Variants in ANKRD36 observed in about 807,000 individuals in gnomAD.
ANKRD36 encodes the protein ankyrin repeat domain 36.
ANKRD36 carries 179 observed loss-of-function variants against 278.1 expected under a neutral mutation model. The observed-to-expected ratio is 0.64, with a 90% confidence interval of 0.57 to 0.73. The LOEUF is 0.73. ANKRD36 is among the 30% of genes least tolerant of loss of function. The pLI, the probability that ANKRD36 is intolerant of heterozygous loss-of-function variation, is 0.00. For missense variants in ANKRD36, 1,159 were observed against 1,956.7 expected, an observed-to-expected ratio of 0.59 and a Z score of 7.69; for synonymous variants, 320 against 641.1, an observed-to-expected ratio of 0.50 and a Z score of 7.57.
intron 30 of ANKRD36, among the ~76,000 whole-genome samples, chr2:97,186,225 T>C (rs1407925075): frequency 1.3e-5 from 2 of 151,560 alleles, no homozygotes; most frequent in Non-Finnish European, 2.9e-5. Flanking sequence ...TTATAAAAAT[T>C]AGATAAACTT....
chr2:97,183,477 C>T lies in ANKRD36; in HGVS notation c.1856C>T (p.Ser619Leu), dbSNP rs201542152. ...QSGTVSPQKQSAWKVIFKKKV... is the reference protein window; with the variant it reads ...QSGTVSPQKQLAWKVIFKKKV... ...TTTTCAGTGTCTCCTCAGAAACAAT[C>T]GGCCTGGAAGGTAGTTACTCTTTCA... Residue 619 changes from serine (S) to leucine (L), a missense_variant, in exon 27 of 76, where the codon TCG becomes TTG. Ser to Leu is a moderately radical substitution (Grantham distance 145, BLOSUM62 -2). Transcript: ENST00000420699. 183 of 1,565,212 alleles carry T rather than the reference C, an allele frequency of 1.2e-4. 2 individuals are homozygous for T. In the East Asian group the frequency reaches 3.5e-3, roughly 30 times the overall value.
chr2:97,159,387 T>A (rs62153876), intron 17 of ANKRD36, among the ~76,000 whole-genome samples: 4,086 of 96,678 alleles, frequency 0.042, no homozygotes, highest in Middle Eastern at 0.088. Context: ...TATAGATGGA[T>A]CAAATCATCA....
chr2:97,215,052 ATTTTAG>A (rs1410326468), intron 60 of ANKRD36, among the ~76,000 whole-genome samples: 2 of 147,942 alleles, frequency 1.4e-5, no homozygotes, highest in African/African-American at 2.5e-5. Context: ...TGACACTTTT[ATTTTAG>A]TTTTAGTCAT....
At chr2:97,129,841 G>A (rs879175208) in intron 6 of ANKRD36, among the ~76,000 whole-genome samples, 1 of 151,892 alleles carries the variant, frequency 6.6e-6, no homozygotes, top group East Asian at 1.9e-4. Context: ...TCTCTGTTTT[G>A]GTACCAGTAC....
intron 53 of ANKRD36, 26 bp downstream of exon 53, chr2:97,207,865 G>C: frequency 6.5e-7 from 1 of 1,545,032 alleles, no homozygotes; most frequent in South Asian, 1.2e-5. Flanking sequence ...TTTATATTGT[G>C]AACTAGTAAA....
At chr2:97,260,895 C>T (rs975873264) in intron 75 of ANKRD36, among the ~76,000 whole-genome samples, 5 of 121,954 alleles carry the variant, frequency 4.1e-5, no homozygotes, top group Admixed American at 2.7e-4. Context: ...TTTCTTAAAC[C>T]TCATGAACCA....
chr2:97,216,848 C>T (rs866996840), intron 62 of ANKRD36: 36 of 582,766 alleles, frequency 6.2e-5, no homozygotes, highest in Middle Eastern at 9.8e-4. Flanking sequence ...CATTGATTCT[C>T]AATTGTATGA....
chr2:97,230,278 T>C (rs1291318473), intron 67 of ANKRD36, among the ~76,000 whole-genome samples: 15 of 152,088 alleles, frequency 9.9e-5, no homozygotes, highest in African/African-American at 3.6e-4. Context: ...GGTACACCAA[T>C]CAGATGTAGA....
chr2:97,217,863 G>C (rs1222789491), intron 64 of ANKRD36, among the ~76,000 whole-genome samples: 4 of 151,560 alleles, frequency 2.6e-5, no homozygotes, highest in African/African-American at 9.7e-5. Flanking sequence ...GCAAGAAAGA[G>C]GGGAAGGAAG....
At chr2:97,220,773 TA>T (rs2067342743) in intron 66 of ANKRD36, among the ~76,000 whole-genome samples, 11 of 111,138 alleles carry the variant, frequency 9.9e-5, no homozygotes, top group African/African-American at 2.6e-4. Context: ...TTTTTTTTTT[TA>T]ATTTTTTTTT....
chr2:97,161,541 T>C (rs1387770240), intron 17 of ANKRD36, among the ~76,000 whole-genome samples: 1 of 152,212 alleles, frequency 6.6e-6, no homozygotes, highest in East Asian at 1.9e-4. Context: ...ACATGTTTAC[T>C]TTGATCTAAC....
intron 6 of ANKRD36, among the ~76,000 whole-genome samples, chr2:97,130,302 T>C (rs2039762507): frequency 6.6e-6 from 1 of 151,808 alleles, no homozygotes; most frequent in South Asian, 2.1e-4. Context: ...TGTAGGGACA[T>C]GGATGAAGCT....
chr2:97,124,899 A>G (rs2038115514), intron 5 of ANKRD36, among the ~76,000 whole-genome samples: 1 of 151,882 alleles, frequency 6.6e-6, no homozygotes, highest in Non-Finnish European at 1.5e-5. Context: ...TATAACCCCT[A>G]TGCATAGGGT....
intron 27 of ANKRD36, 43 bp from the exon 28 acceptor site, chr2:97,183,539 A>C: frequency 6.4e-7 from 1 of 1,550,634 alleles, no homozygotes; most frequent in South Asian, 1.2e-5. Context: ...AGCCTATGAA[A>C]TATGTATTAT....
chr2:97,156,227 T>G lies in ANKRD36; in HGVS notation c.1260+1486T>G, dbSNP rs1422867212. Among the ~76,000 whole-genome samples, 3 of 146,492 alleles carry G rather than the reference T, an allele frequency of 2.0e-5. 1 individual carries two copies. Among genetic ancestry groups the G allele is most frequent in the Non-Finnish European group, 4.6e-5 (3 of 64,890 alleles). On this transcript the variant is annotated intron_variant, in intron 15 of 75. Coordinates refer to ENST00000420699, the MANE Select transcript of ANKRD36 (RefSeq NM_001354587.1). ...TCAGGACATACATTACTCTTTTTTTTTTATTATTATACTTTAAGTTTTAGG... is the reference window on the plus strand; with the variant it reads ...TCAGGACATACATTACTCTTTTTTTGTTATTATTATACTTTAAGTTTTAGG...
At position 97,183,439 on chromosome 2, in the gene ANKRD36, A is replaced by G. The variant is rs771802706; in HGVS notation, c.1838-20A>G. The G allele has an allele frequency of 3.2e-6, 5 of 1,549,100 alleles. 1 individual carries two copies. Among genetic ancestry groups the G allele is most frequent in the South Asian group, 2.4e-5 (2 of 83,284 alleles). ...GTCATATTTACATATGATGGATTAT[A>G]TATTTCTTTTACTTTTCAGTGTCTC... On this transcript the variant is annotated intron_variant, in intron 26 of 75. Transcript: ENST00000420699.
chr2:97,180,947 T>G (rs142569577), intron 24 of ANKRD36, among the ~76,000 whole-genome samples: 1 of 151,732 alleles, frequency 6.6e-6, no homozygotes. Context: ...TATTATCGTT[T>G]GTTGCCATGA....
chr2:97,118,040 T>C, intron 1 of ANKRD36, 24 bp from the exon 2 acceptor site: 3 of 1,544,206 alleles, frequency 1.9e-6, no homozygotes, highest in Non-Finnish European at 2.6e-6. Context: ...TTACATGTTT[T>C]AAAAAGTCCT....
intron 67 of ANKRD36, among the ~76,000 whole-genome samples, chr2:97,229,674 G>C (rs2071210429): frequency 6.6e-6 from 1 of 151,884 alleles, no homozygotes; most frequent in Non-Finnish European, 1.5e-5. Flanking sequence ...AATTGATCCT[G>C]GCATTATGAT....
Sources: gnomAD v4.1 joint callset for allele counts (sites outside exome capture counted in the v4.1 genomes callset) on GRCh38, gnomAD v4.1.1 for gene constraint, MANE v1.5 for transcripts, NCBI Gene and HGNC (gene_info 2026-07-23, HGNC 2026-07-21) for gene names.